THOC3: variants seen among roughly 807,000 people sequenced by gnomAD.
THOC3 encodes TEX1 homolog.
In THOC3, 4 loss-of-function variants were observed where a neutral mutation model predicts 23.3. The ratio of observed to expected loss-of-function variants is 0.17; its 90% confidence interval spans 0.08 to 0.39. THOC3 has a LOEUF of 0.39. THOC3 is among the 10% of genes least tolerant of loss of function. THOC3 has a pLI of 1.00. For missense variants in THOC3, 64 were observed against 359.4 expected, an observed-to-expected ratio of 0.18 and a Z score of 6.65; for synonymous variants, 27 against 141.5, an observed-to-expected ratio of 0.19 and a Z score of 5.74.
intron 3 of THOC3, among the ~76,000 whole-genome samples, chr5:175,963,355 C>A (rs1351721683): frequency 6.6e-6 from 1 of 152,112 alleles, no homozygotes; most frequent in African/African-American, 2.4e-5. Flanking sequence ...TTAAGAGATA[C>A]AAAAGACATA....
chr5:175,962,054 A>C (rs180905536), intron 3 of THOC3, among the ~76,000 whole-genome samples: 1,009 of 151,654 alleles, frequency 6.7e-3, no homozygotes, highest in Middle Eastern at 0.027. Context: ...GAGAGGGTAT[A>C]ATATGTAACA....
At chr5:175,962,120 G>C (rs1323952229) in intron 3 of THOC3, among the ~76,000 whole-genome samples, 3 of 151,996 alleles carry the variant, frequency 2.0e-5, no homozygotes, top group East Asian at 3.9e-4. Context: ...AGAATGGAAA[G>C]AGTATATGCA....
rs1352625864 is a variant in THOC3, at chr5:175,968,015, C to G, written c.194G>C (p.Cys65Ser). The G allele has an allele frequency of 4.3e-6, 7 of 1,609,794 alleles. No homozygotes were observed. The highest frequency in any genetic ancestry group is 4.0e-5 in the African/African-American group (3 of 74,870). Residue 65 changes from cysteine (C) to serine (S), a missense_variant, in exon 1 of 6, where the codon TGC becomes TCC. Physicochemically the swap from Cys to Ser is moderately radical, Grantham distance 112. Transcript: ENST00000265097. ...SAKVHSVAWS[C>S]DGRRLASGSF... ...CCCCGAGGCTAGGCGACGCCCGTCG[C>G]AACTCCAGGCCACCGAGTGCACCTT... is the stretch of plus-strand genomic sequence containing the variant.
At position 175,965,252 on chromosome 5, in the gene THOC3, C is replaced by T. The variant is rs1424212213; in HGVS notation, c.425-97G>A. On this transcript the variant is annotated intron_variant, in intron 2 of 5. Transcript: ENST00000265097. ...TAGAAAGAAGACCAGAGCTTTCTTC[C>T]GGGCTTACTCATTAAAGTCCTAGAC... is the stretch of plus-strand genomic sequence containing the variant. 2.2e-5 allele frequency: 34 copies of T among 1,545,028 alleles called. No individual in the cohort carries two copies. The East Asian group carries it at 5.8e-4, about 26-fold the overall frequency.
chr5:175,962,417 TATATACACAC>T (rs1235635334), intron 3 of THOC3, among the ~76,000 whole-genome samples: 1 of 42,532 alleles, frequency 2.4e-5, no homozygotes, highest in Admixed American at 2.3e-4. Context: ...AATATATATA[TATATACACAC>T]ACACACACAC....
At chr5:175,963,141 C>G (rs578214665) in intron 3 of THOC3, among the ~76,000 whole-genome samples, 1 of 152,242 alleles carries the variant, frequency 6.6e-6, no homozygotes, top group Admixed American at 6.5e-5. Context: ...ATCTGACAAA[C>G]AGAATCAAAA....
intron 1 of THOC3, 151 bp from the exon 2 acceptor site, chr5:175,967,418 T>C: frequency 2.5e-6 from 1 of 392,192 alleles, no homozygotes; most frequent in South Asian, 2.4e-5. Flanking sequence ...TCCCTTCTCT[T>C]CTCCGCAGGC....
At chr5:175,962,402 C>A in intron 3 of THOC3, among the ~76,000 whole-genome samples, 1 of 64,476 alleles carries the variant, frequency 1.6e-5, no homozygotes, top group Admixed American at 1.7e-4. Context: ...GGTATTTTAT[C>A]TTTAAATATA....
At position 175,967,638 on chromosome 5, in the gene THOC3, G is replaced by C. The variant is rs542814627; in HGVS notation, c.267+304C>G. On this transcript the variant is annotated intron_variant, in intron 1 of 5. Coordinates refer to ENST00000265097, the MANE Select transcript of THOC3 (RefSeq NM_032361.4). ...CAGGATTCGACTCCAAACCAGTAAGGCTCCCATCGCAGCCCTGTCCCATCC... is the reference window on the plus strand; with the variant it reads ...CAGGATTCGACTCCAAACCAGTAAGCCTCCCATCGCAGCCCTGTCCCATCC... The C allele has an allele frequency of 1.2e-3, 358 of 309,770 alleles. 19 individuals carry two copies. Among genetic ancestry groups the C allele is most frequent in the African/African-American group, 7.9e-3 (306 of 38,932 alleles). The allele number at this position is 309,770 out of a possible 1,614,324, so 19.2% of individuals were successfully genotyped here.
At chr5:175,964,845 T>C in intron 3 of THOC3, 106 bp downstream of exon 3, 2 of 563,142 alleles carry the variant, frequency 3.6e-6, no homozygotes, top group Non-Finnish European at 6.1e-6. Flanking sequence ...CTCTTACTAT[T>C]TGTGTTTTAA....
At chr5:175,965,568 G>A (rs1184001777) in intron 2 of THOC3, among the ~76,000 whole-genome samples, 1 of 152,248 alleles carries the variant, frequency 6.6e-6, no homozygotes, top group Non-Finnish European at 1.5e-5. Context: ...GGGACTACAG[G>A]CGCCTGCCAC....
At chr5:175,961,590 T>A (rs1210781636) in intron 3 of THOC3, among the ~76,000 whole-genome samples, 156 bp from the exon 4 acceptor site, 6 of 148,808 alleles carry the variant, frequency 4.0e-5, no homozygotes, top group African/African-American at 7.5e-5. Flanking sequence ...TTGAACTACA[T>A]TATTTAAAAA....
rs1373920154 is a variant in THOC3, at chr5:175,964,033, C to G, written c.629+918G>C. ...ATCTCACTTGGTCTTGCATTGTTCA[C>G]CTGGGATAGTGGAAGGCTAGAATTG... On this transcript the variant is annotated intron_variant, in intron 3 of 5. Coordinates refer to ENST00000265097, the MANE Select transcript of THOC3 (RefSeq NM_032361.4). 2.0e-5 allele frequency among the ~76,000 whole-genome samples: 3 copies of G among 152,404 alleles called. No individual in the cohort carries two copies. The South Asian group carries it at 6.2e-4, about 32-fold the overall frequency.
intron 3 of THOC3, among the ~76,000 whole-genome samples, chr5:175,962,587 C>A (rs1235010001): frequency 4.4e-4 from 64 of 145,572 alleles, no homozygotes; most frequent in African/African-American, 1.6e-3. Flanking sequence ...TGCAGTGGTG[C>A]AATCTAAACT....
At chr5:175,965,296 C>T (rs1202897862) in intron 2 of THOC3, 141 bp from the exon 3 acceptor site, 4 of 1,435,138 alleles carry the variant, frequency 2.8e-6, no homozygotes, top group South Asian at 2.7e-5. Flanking sequence ...GGAGCTACCA[C>T]TTATGATTCA....
In THOC3 at chr5:175,968,010, C is replaced by A. The variant is rs746453916; in HGVS notation, c.199G>T (p.Gly67Trp). 5 of 1,609,064 alleles carry A rather than the reference C, an allele frequency of 3.1e-6. No individual in the cohort carries two copies. The highest frequency in any genetic ancestry group is 4.2e-6 in the Non-Finnish European group (5 of 1,179,142). Residue 67 changes from glycine (G) to tryptophan (W), a missense_variant, in exon 1 of 6, where the codon GGG becomes TGG. Gly to Trp is a radical substitution (Grantham distance 184, BLOSUM62 -2). Coordinates refer to ENST00000265097, the MANE Select transcript of THOC3 (RefSeq NM_032361.4). ...KVHSVAWSCD[G>W]RRLASGSFDK... ...AAGGACCCCGAGGCTAGGCGACGCC[C>A]GTCGCAACTCCAGGCCACCGAGTGC...
intron 5 of THOC3, chr5:175,960,388 A>G (rs1379435144): frequency 1.1e-5 from 3 of 272,836 alleles, no homozygotes; most frequent in African/African-American, 2.3e-5. Context: ...TCACAGGGAC[A>G]TGCAGTTACA....
intron 3 of THOC3, among the ~76,000 whole-genome samples, chr5:175,964,218 A>C (rs1447396726): frequency 6.6e-6 from 1 of 152,284 alleles, no homozygotes; most frequent in Non-Finnish European, 1.5e-5. Flanking sequence ...GTCTAACAGG[A>C]GACACAGGCA....
chr5:175,966,043 C>G (rs1436632375), intron 2 of THOC3, among the ~76,000 whole-genome samples: 2 of 149,954 alleles, frequency 1.3e-5, no homozygotes, highest in African/African-American at 4.9e-5. Flanking sequence ...ATTAGCCAGG[C>G]ATGGTGGCAT....
Sources: gnomAD v4.1 joint callset for allele counts (sites outside exome capture counted in the v4.1 genomes callset) on GRCh38, gnomAD v4.1.1 for gene constraint, MANE v1.5 for transcripts, NCBI Gene and HGNC (gene_info 2026-07-23, HGNC 2026-07-21) for gene names.